HDAC11: variants seen among roughly 807,000 people sequenced by gnomAD.
HDAC11 encodes the protein histone deacetylase 11.
A neutral mutation model predicts 41.1 loss-of-function variants in HDAC11; 23 were observed. The observed-to-expected ratio is 0.56, with a 90% CI of 0.40 to 0.79. The LOEUF is 0.79. Ranked by LOEUF, HDAC11 falls within the 30% of genes least tolerant of loss-of-function variation. HDAC11 has a pLI of 0.00. For missense variants in HDAC11, 402 were observed against 477.3 expected (o/e 0.84, Z 1.47); for synonymous variants, 187 against 186.6 (o/e 1.00, Z -0.02).
intron 4 of HDAC11, among the ~76,000 whole-genome samples, chr3:13,497,747 G>A (rs1702165361): frequency 6.6e-6 from 1 of 151,232 alleles, no homozygotes; most frequent in Non-Finnish European, 1.5e-5. Context: ...TGTTATGTTT[G>A]TAAATTTGTA....
At chr3:13,486,348 A>G (rs1701573477) in intron 3 of HDAC11, among the ~76,000 whole-genome samples, 2 of 151,570 alleles carry the variant, frequency 1.3e-5, no homozygotes. Flanking sequence ...CCAACTGTAC[A>G]GAGAGAATAA....
chr3:13,503,307 G>C, intron 8 of HDAC11: 1 of 214,292 alleles, frequency 4.7e-6, no homozygotes, highest in Non-Finnish European at 9.5e-6. Flanking sequence ...GCTCACGCCT[G>C]TAATCCCAGC....
At chr3:13,483,625 G>A (rs1046476333) in intron 3 of HDAC11, 61 bp downstream of exon 3, 3 of 1,381,924 alleles carry the variant, frequency 2.2e-6, no homozygotes, top group Non-Finnish European at 3.1e-6. Flanking sequence ...GGCCAGGAGT[G>A]GCCAGAGGCA....
intron 5 of HDAC11, among the ~76,000 whole-genome samples, chr3:13,499,841 A>G (rs1271035286): frequency 1.3e-5 from 2 of 152,156 alleles, no homozygotes; most frequent in African/African-American, 4.8e-5. Flanking sequence ...ACTGCCTGGT[A>G]GAGGTTAAGA....
rs770589074 is a variant in HDAC11 at position 13,504,567 on chromosome 3, C to T, written c.928C>T (p.Arg310Cys). ...TSGGYQKRTARIIADSILNLF... is the reference protein window; with the variant it reads ...TSGGYQKRTACIIADSILNLF... The stretch of plus-strand genomic sequence containing the variant: ...AGGCGGGTACCAGAAGCGCACAGCC[C>T]GCATCATTGCTGACTCCATACTTAA... Residue 310 changes from arginine (R) to cysteine (C), a missense_variant, in exon 10 of 10, where the codon CGC becomes TGC. Arg to Cys is a radical substitution (Grantham distance 180). Transcript: ENST00000295757. The T allele has an allele frequency of 5.6e-6, 9 of 1,613,564 alleles. No individual in the cohort carries two copies. The highest frequency in any genetic ancestry group is 2.2e-5 in the East Asian group (1 of 44,886).
chr3:13,494,425 C>G (rs928442852), intron 3 of HDAC11, among the ~76,000 whole-genome samples: 10 of 152,208 alleles, frequency 6.6e-5, no homozygotes, highest in African/African-American at 2.2e-4. Context: ...TGGGTCTGTC[C>G]CGCAACATAC....
intron 8 of HDAC11, among the ~76,000 whole-genome samples, chr3:13,503,602 G>A (rs1026276356): frequency 2.0e-5 from 3 of 152,236 alleles, no homozygotes; most frequent in Non-Finnish European, 4.4e-5. Flanking sequence ...TCGTTAAAAT[G>A]AAAATGCATT....
intron 3 of HDAC11, among the ~76,000 whole-genome samples, chr3:13,494,878 G>T (rs1702023157): frequency 6.6e-6 from 1 of 152,126 alleles, no homozygotes; most frequent in Non-Finnish European, 1.5e-5. Flanking sequence ...GACTTAGGGT[G>T]TGTCCTGCCT....
rs1464071664 is a variant in HDAC11 at position 13,496,788 on chromosome 3, C to G, written c.305C>G (p.Pro102Arg). The G allele has an allele frequency of 6.2e-7, 1 of 1,609,386 alleles. No homozygotes were observed. The highest frequency in any genetic ancestry group is 8.5e-7 in the Non-Finnish European group (1 of 1,178,004). The change falls in exon 4 of 10, where the codon CCC becomes CGC. Residue 102 changes from proline to arginine, a missense_variant. Pro to Arg is a moderately radical substitution (Grantham distance 103). Transcript: ENST00000295757. ...GAAATCCCCCCCGTTATCTTCCTCCCCAACTTCCTTGTGCAGAGGAAGGTG... is the reference window on the plus strand; with the variant it reads ...GAAATCCCCCCCGTTATCTTCCTCCGCAACTTCCTTGTGCAGAGGAAGGTG... ...ITEIPPVIFL[P>R]NFLVQRKVLR...
Position 13,502,053 on chromosome 3 carries a change from G to T in HDAC11, c.552+120G>T. ...ACGGCTCTCACGGCTTCTGTCTTCT[G>T]TCTCTCGGGCTACAAATGCAGGGTC... On this transcript the variant is annotated intron_variant, in intron 7 of 9. Transcript: ENST00000295757. This position sits in a 1 kb window ranked among gnomAD's most constrained non-coding sequence, Gnocchi z 4.1. The T allele has an allele frequency of 2.6e-6, 2 of 780,804 alleles. No homozygotes were observed. Among genetic ancestry groups the T allele is most frequent in the Non-Finnish European group, 4.3e-6 (2 of 466,358 alleles). The allele number at this position is 780,804 out of a possible 1,614,324, so 48.4% of individuals were successfully genotyped here. A position where few individuals can be genotyped will look rare whatever the true frequency, so the allele number is the denominator to read the frequency against.
chr3:13,483,423 G>A (rs1701412329), intron 2 of HDAC11, 41 bp from the exon 3 acceptor site: 2 of 1,563,388 alleles, frequency 1.3e-6, no homozygotes, highest in South Asian at 2.2e-5. Context: ...CCCTGGCCTT[G>A]AGGTCAGTGG....
intron 6 of HDAC11, 162 bp from the exon 7 acceptor site, chr3:13,501,709 C>A: frequency 1.4e-6 from 1 of 732,792 alleles, no homozygotes; most frequent in African/African-American, 1.7e-5. Flanking sequence ...ACAGCTGGAG[C>A]TGCACAGCTC....
At chr3:13,495,171 A>G (rs934352726) in intron 3 of HDAC11, among the ~76,000 whole-genome samples, 6 of 151,784 alleles carry the variant, frequency 4.0e-5, no homozygotes, top group African/African-American at 1.5e-4. Flanking sequence ...TGAGCACTGC[A>G]CCTTAGGTCT....
chr3:13,483,589 C>T, intron 3 of HDAC11, 25 bp downstream of exon 3: 1 of 1,519,814 alleles, frequency 6.6e-7, no homozygotes, highest in South Asian at 1.1e-5. Context: ...GCCTGGGGGG[C>T]TGCGGGCCTG....
chr3:13,480,504 G>A lies in HDAC11; in HGVS notation c.2+155G>A. 2.7e-6 allele frequency: 1 copy of A among 375,736 alleles called. No homozygotes were observed. Among genetic ancestry groups the A allele is most frequent in the Non-Finnish European group, 4.4e-6 (1 of 226,430 alleles). 23.3% of individuals were successfully genotyped at this position (375,736 alleles called of 1,614,324 possible). On this transcript the variant is annotated intron_variant, in intron 1 of 9. Coordinates refer to ENST00000295757, the MANE Select transcript of HDAC11 (RefSeq NM_024827.4). The surrounding 1 kb of genome is among the most constrained non-coding windows in gnomAD (Gnocchi z 4.6). Reference sequence around the variant, plus strand: ...GGACGCTCGGGACGGGTGTTTCCAGGCCCTCCCGGCGCGCCAGGCCAGCCC... The same window carrying A: ...GGACGCTCGGGACGGGTGTTTCCAGACCCTCCCGGCGCGCCAGGCCAGCCC...
Position 13,500,743 on chromosome 3 carries a change from G to A in HDAC11, c.443G>A (p.Arg148His), listed in dbSNP as rs775554632. 3.1e-6 allele frequency: 5 copies of A among 1,592,976 alleles called. No individual in the cohort carries two copies. The highest frequency in any genetic ancestry group is 2.3e-5 in the South Asian group (2 of 87,964). Reference protein sequence around the residue: ...GGGFHHCSSDRGGGFCAYADI... With the variant: ...GGGFHHCSSDHGGGFCAYADI... ...GGCTTCCACCACTGCTCCAGCGACC[G>A]TGGCGGGGGCTTCTGTGCCTATGCG... is the stretch of plus-strand genomic sequence containing the variant. The change falls in exon 6 of 10, where the codon CGT (arginine) becomes CAT (histidine). Residue 148 changes from arginine to histidine, a missense_variant. Coordinates refer to ENST00000295757, the MANE Select transcript of HDAC11 (RefSeq NM_024827.4).
Position 13,502,352 on chromosome 3 carries a change from A to C in HDAC11, c.552+419A>C. 5.1e-6 allele frequency: 1 copy of C among 195,938 alleles called. No homozygotes were observed. The highest frequency in any genetic ancestry group is 1.0e-5 in the Non-Finnish European group (1 of 95,780). 12.1% of individuals were successfully genotyped at this position (195,938 alleles called of 1,614,324 possible). ...GGGCACCTGGGGTCACCATTTAAGA[A>C]CTCGGCGCCTAGGGAGTAAAGTGTC... On this transcript the variant is annotated intron_variant, in intron 7 of 9. Transcript: ENST00000295757. This position sits in a 1 kb window ranked among gnomAD's most constrained non-coding sequence, Gnocchi z 4.1.
intron 3 of HDAC11, among the ~76,000 whole-genome samples, chr3:13,495,304 A>C: frequency 6.7e-6 from 1 of 150,110 alleles, no homozygotes; most frequent in African/African-American, 2.5e-5. Flanking sequence ...CCACTCTCCC[A>C]CCCCTGTTCT....
chr3:13,492,438 T>C (rs2125005318), intron 3 of HDAC11, among the ~76,000 whole-genome samples: 1 of 152,314 alleles, frequency 6.6e-6, no homozygotes, highest in East Asian at 1.9e-4. Context: ...TGGCATCCTT[T>C]TGAGGGAGAT....
Sources: gnomAD v4.1 joint callset for allele counts (sites outside exome capture counted in the v4.1 genomes callset) on GRCh38, gnomAD v4.1.1 for gene constraint, Gnocchi (gnomAD v3.1) non-coding constraint, MANE v1.5 for transcripts, NCBI Gene and HGNC (gene_info 2026-07-23, HGNC 2026-07-21) for gene names.